The following CUX2 variants were observed in gnomAD, a reference collection of about 807,000 sequenced individuals.
CUX2 encodes the protein cut like homeobox 2.
Under a neutral mutation model 144.8 loss-of-function variants are expected in CUX2, and 40 were observed. That is an observed-to-expected ratio of 0.28 (90% CI 0.21 to 0.36). The LOEUF is 0.36. Among genes scored for constraint, CUX2 ranks in the 10% least tolerant of loss-of-function variants. The probability of loss-of-function intolerance (pLI) is 1.00; values close to 1 mark genes in which losing one functional copy is unlikely to be tolerated. For synonymous variants in CUX2, 827 were observed against 875.6 expected (o/e 0.94, Z 0.98); for missense variants, 1,615 against 1,994.0 (o/e 0.81, Z 3.62).
chr12:111,275,763 A>G (rs1036820041), intron 4 of CUX2, among the ~76,000 whole-genome samples: 3 of 152,094 alleles, frequency 2.0e-5, no homozygotes, highest in Non-Finnish European at 2.9e-5. Context: ...TGCGGGTGCC[A>G]CCTTTCTGCT....
At chr12:111,272,835 G>A (rs1884695645) in intron 4 of CUX2, among the ~76,000 whole-genome samples, 1 of 152,144 alleles carries the variant, frequency 6.6e-6, no homozygotes, top group African/African-American at 2.4e-5. Context: ...TCCTCAGCCA[G>A]GAGCACCCTT....
intron 21 of CUX2, among the ~76,000 whole-genome samples, chr12:111,345,799 C>T (rs960446421): frequency 1.3e-5 from 2 of 149,560 alleles, no homozygotes; most frequent in Non-Finnish European, 3.0e-5. Context: ...ATTACTTTTG[C>T]ACCAACCTAA....
At chr12:111,188,663 G>A (rs1879699936) in intron 1 of CUX2, among the ~76,000 whole-genome samples, 1 of 152,260 alleles carries the variant, frequency 6.6e-6, no homozygotes, top group Non-Finnish European at 1.5e-5. Context: ...GGGCAGAGAA[G>A]TGGGCGGGGC....
At chr12:111,337,025 A>G (rs1244396887) in intron 19 of CUX2, among the ~76,000 whole-genome samples, 1 of 151,860 alleles carries the variant, frequency 6.6e-6, no homozygotes, top group South Asian at 2.1e-4. Context: ...AAATAGAAAA[A>G]TTAACTGGGC....
intron 1 of CUX2, among the ~76,000 whole-genome samples, chr12:111,051,523 A>G (rs74985951): frequency 0.04 from 5,999 of 149,722 alleles, 411 homozygotes; most frequent in African/African-American, 0.14. Flanking sequence ...TTTAGAGTCT[A>G]TTTTGTCTGA....
chr12:111,133,007 C>T lies in CUX2; in HGVS notation c.64-81193C>T, dbSNP rs577234724. Among the ~76,000 whole-genome samples, 5 of 152,170 alleles carry T rather than the reference C, an allele frequency of 3.3e-5. No individual in the cohort carries two copies. The South Asian group carries it at 1.0e-3, about 31-fold the overall frequency. On this transcript the variant is annotated intron_variant, in intron 1 of 21. Coordinates refer to ENST00000261726, the MANE Select transcript of CUX2 (RefSeq NM_015267.4). ...GTTCCAAAAATCTCTAGGGCAGGGG[C>T]AAAATGCTGCCAGTCTCTTTGCTAA...
chr12:111,213,920 A>G (rs1881374334), intron 1 of CUX2, among the ~76,000 whole-genome samples: 1 of 148,324 alleles, frequency 6.7e-6, no homozygotes, highest in South Asian at 2.1e-4. Context: ...GAAGAGATGG[A>G]AAAAAAAAAC....
chr12:111,310,207 T>G lies in CUX2; in HGVS notation c.1425T>G (p.Thr475=). 3 of 1,517,886 alleles carry G rather than the reference T, an allele frequency of 2.0e-6. No individual in the cohort carries two copies. The highest frequency in any genetic ancestry group is 2.6e-6 in the Non-Finnish European group (3 of 1,133,700). The allele number at this position is 1,517,886 out of a possible 1,614,324, so 94.0% of individuals were successfully genotyped here. The change falls in exon 15 of 22, where the codon ACT becomes ACG. Residue 475 remains threonine (T), a synonymous_variant. Coordinates refer to ENST00000261726, the MANE Select transcript of CUX2 (RefSeq NM_015267.4). This position sits in a 1 kb window ranked among gnomAD's most constrained non-coding sequence, Gnocchi z 7.9. ...GPSLGPDGTR[T]FSLSPFPSLA... ...GCTTGGGGCCTGACGGCACTCGGACTTTCTCGCTGTCCCCCTTCCCCAGCC... is the reference window on the plus strand; with the variant it reads ...GCTTGGGGCCTGACGGCACTCGGACGTTCTCGCTGTCCCCCTTCCCCAGCC...
In CUX2 at chr12:111,295,995, G is replaced by A. The variant is rs115933017; in HGVS notation, c.638-478G>A. Among the ~76,000 whole-genome samples the A allele has an allele frequency of 2.2e-3, 332 of 152,170 alleles. 1 individual carries two copies. The highest frequency in any genetic ancestry group is 7.5e-3 in the African/African-American group (313 of 41,502). ...AGAAATCTGGAGTTGTATCAAAAACGCTCGTTCATTGTAACACATGAATCT... is the reference window on the plus strand; with the variant it reads ...AGAAATCTGGAGTTGTATCAAAAACACTCGTTCATTGTAACACATGAATCT... On this transcript the variant is annotated intron_variant, in intron 7 of 21. Transcript: ENST00000261726. This position sits in a 1 kb window ranked among gnomAD's most constrained non-coding sequence, Gnocchi z 5.0.
Position 111,293,546 on chromosome 12 carries a change from G to A in CUX2, c.537G>A (p.Gln179=), listed in dbSNP as rs1455709600. 1 of 1,590,128 alleles carries A rather than the reference G, an allele frequency of 6.3e-7. No homozygotes were observed. Among genetic ancestry groups the A allele is most frequent in the African/African-American group, 1.3e-5 (1 of 74,886 alleles). ...CCCTCCTGACAGAAACCTTGCTGCA[G>A]AGAAATGAGGCGGAAAAACAAAAGT... The part of the protein sequence containing the change: ...GKALLTETLL[Q]RNEAEKQKGL... The change falls in exon 6 of 22, where the codon CAG becomes CAA. Residue 179 remains glutamine, a synonymous_variant. Transcript: ENST00000261726. The surrounding 1 kb of genome is among the most constrained non-coding windows in gnomAD (Gnocchi z 4.5).
At chr12:111,308,158 A>C in intron 12 of CUX2, 127 bp from the exon 13 acceptor site, 1 of 1,040,272 alleles carries the variant, frequency 9.6e-7, no homozygotes, top group Non-Finnish European at 1.4e-6. Context: ...TGACTCTGGA[A>C]TTAATGGGGT....
chr12:111,324,310 C>G (rs1309245559), intron 18 of CUX2, among the ~76,000 whole-genome samples: 2 of 148,044 alleles, frequency 1.4e-5, no homozygotes, highest in African/African-American at 5.0e-5. Context: ...AGATCCTCAC[C>G]ATTGCGCTCC....
intron 3 of CUX2, among the ~76,000 whole-genome samples, chr12:111,227,729 C>T (rs1284412852): frequency 1.3e-5 from 2 of 152,142 alleles, no homozygotes; most frequent in African/African-American, 2.4e-5. Flanking sequence ...GGCACACCCC[C>T]ACCCCAGGGG....
chr12:111,271,973 CA>C (rs1197137669), intron 4 of CUX2, among the ~76,000 whole-genome samples: 1 of 152,094 alleles, frequency 6.6e-6, no homozygotes, highest in Non-Finnish European at 1.5e-5. Flanking sequence ...AGCAGGTATT[CA>C]AAAAAATATT....
chr12:111,037,867 TG>T lies in CUX2; in HGVS notation c.63+3633del, dbSNP rs1350589643. Among the ~76,000 whole-genome samples the T allele has an allele frequency of 6.6e-6, 1 of 152,150 alleles. No individual in the cohort carries two copies. The highest frequency in any genetic ancestry group is 2.1e-4 in the South Asian group (1 of 4,818). On this transcript the variant is annotated intron_variant, in intron 1 of 21. Coordinates refer to ENST00000261726, the MANE Select transcript of CUX2 (RefSeq NM_015267.4). The surrounding 1 kb of genome is among the most constrained non-coding windows in gnomAD (Gnocchi z 5.4). Reference sequence around the variant, plus strand: ...AGGGTTAATTGAGCTAACAATGAGCTGGGGGGCACCCAGTCCAAATGAGGGT... The same window carrying T: ...AGGGTTAATTGAGCTAACAATGAGCTGGGGGCACCCAGTCCAAATGAGGGT...
At position 111,293,106 on chromosome 12, in the gene CUX2, G is replaced by C. The variant is rs1885777911; in HGVS notation, c.437-340G>C. Among the ~76,000 whole-genome samples the C allele has an allele frequency of 6.6e-6, 1 of 151,160 alleles. No individual in the cohort carries two copies. Among genetic ancestry groups the C allele is most frequent in the African/African-American group, 2.4e-5 (1 of 40,898 alleles). The stretch of plus-strand genomic sequence containing the variant: ...CCACTGCACTCGCAGTCCAGCCTGG[G>C]CAACAGACCAAGACTCCGTCTCAAA... On this transcript the variant is annotated intron_variant, in intron 5 of 21. Coordinates refer to ENST00000261726, the MANE Select transcript of CUX2 (RefSeq NM_015267.4). The surrounding 1 kb of genome is among the most constrained non-coding windows in gnomAD (Gnocchi z 4.5).
At chr12:111,193,541 T>G (rs1880033066) in intron 1 of CUX2, among the ~76,000 whole-genome samples, 1 of 152,188 alleles carries the variant, frequency 6.6e-6, no homozygotes, top group Non-Finnish European at 1.5e-5. Flanking sequence ...ATTCTGAAAT[T>G]TCTTTCTATT....
chr12:111,116,542 A>G (rs752278762), intron 1 of CUX2, among the ~76,000 whole-genome samples: 2 of 152,226 alleles, frequency 1.3e-5, no homozygotes, highest in Non-Finnish European at 2.9e-5. Context: ...GACTTTAGGA[A>G]GAACTTTCTG....
In CUX2 at chr12:111,057,535, G is replaced by A. The variant is rs1000528706; in HGVS notation, c.63+23295G>A. Among the ~76,000 whole-genome samples the A allele has an allele frequency of 6.6e-6, 1 of 151,988 alleles. No individual in the cohort carries two copies. On this transcript the variant is annotated intron_variant, in intron 1 of 21. Coordinates refer to ENST00000261726, the MANE Select transcript of CUX2 (RefSeq NM_015267.4). This position sits in a 1 kb window ranked among gnomAD's most constrained non-coding sequence, Gnocchi z 5.1. ...TCAGGGTGACCAGGCCGATTCCAAC[G>A]TGGGGACCCAGACCTCCTTACACGG...
Sources: allele counts gnomAD v4.1 joint callset (sites outside exome capture counted in the v4.1 genomes callset), GRCh38; gene constraint gnomAD v4.1.1; non-coding constraint Gnocchi (gnomAD v3.1); transcripts MANE v1.5; gene names NCBI Gene and HGNC (gene_info 2026-07-23, HGNC 2026-07-21).